CSMD1: variants seen among roughly 807,000 people sequenced by gnomAD.
CSMD1 encodes CUB and Sushi multiple domains 1, also known as CUB and sushi domain-containing protein 1.
CSMD1 carries 213 observed loss-of-function variants against 417.5 expected under a neutral mutation model. The ratio of observed to expected loss-of-function variants is 0.51; its 90% confidence interval spans 0.46 to 0.57. The LOEUF (loss-of-function observed/expected upper bound fraction) is 0.57, where lower values mean the gene tolerates loss of function less well. Ranked by LOEUF, CSMD1 falls within the 20% of genes least tolerant of loss-of-function variation. CSMD1 has a pLI of 0.00. For missense variants in CSMD1, 6,923 were observed against 4,529.7 expected, an observed-to-expected ratio of 1.53 and a Z score of -15.17; for synonymous variants, 2,862 against 1,736.8, an observed-to-expected ratio of 1.65 and a Z score of -16.11.
intron 7 of CSMD1, among the ~76,000 whole-genome samples, chr8:3,641,524 TA>T (rs1290218129): frequency 3.3e-5 from 5 of 152,206 alleles, no homozygotes; most frequent in Admixed American, 6.5e-5. Context: ...CAAACTTCAT[TA>T]TTTCAGCACA....
At chr8:3,432,731 G>C (rs993795728) in intron 12 of CSMD1, among the ~76,000 whole-genome samples, 2 of 152,070 alleles carry the variant, frequency 1.3e-5, no homozygotes, top group African/African-American at 2.4e-5. Context: ...GGCCAGGATG[G>C]TCTTGCTCTC....
chr8:4,201,724 T>C (rs943396707), intron 3 of CSMD1, among the ~76,000 whole-genome samples: 21 of 151,974 alleles, frequency 1.4e-4, no homozygotes, highest in African/African-American at 4.6e-4. Flanking sequence ...GAAAAATAGT[T>C]TGAAAAACAT....
At chr8:4,222,618 C>G (rs932977027) in intron 3 of CSMD1, among the ~76,000 whole-genome samples, 2 of 152,164 alleles carry the variant, frequency 1.3e-5, no homozygotes, top group Non-Finnish European at 2.9e-5. Flanking sequence ...TCCCACAAAT[C>G]AAGAACTGTC....
chr8:3,403,226 G>A (rs558993203), intron 15 of CSMD1, among the ~76,000 whole-genome samples: 1 of 152,318 alleles, frequency 6.6e-6, no homozygotes, highest in East Asian at 1.9e-4. Flanking sequence ...AGAGTATTCT[G>A]TAAGGGATGT....
At chr8:4,064,064 C>G (rs773070569) in intron 3 of CSMD1, among the ~76,000 whole-genome samples, 5 of 152,104 alleles carry the variant, frequency 3.3e-5, no homozygotes, top group African/African-American at 9.7e-5. Flanking sequence ...CTGAGAAGTG[C>G]GCAGTGTGAA....
chr8:3,417,737 G>C (rs1284121899), intron 12 of CSMD1, among the ~76,000 whole-genome samples: 1 of 152,062 alleles, frequency 6.6e-6, no homozygotes, highest in Non-Finnish European at 1.5e-5. Context: ...TTTTCCCTGA[G>C]ACTTTCACTC....
At chr8:3,191,220 A>G (rs867654893) in intron 33 of CSMD1, among the ~76,000 whole-genome samples, 1 of 152,114 alleles carries the variant, frequency 6.6e-6, no homozygotes, top group South Asian at 2.1e-4. Context: ...TTTGGGAGGC[A>G]GAGGAGGGTG....
At chr8:3,181,901 C>G (rs952350418) in intron 36 of CSMD1, among the ~76,000 whole-genome samples, 1 of 152,078 alleles carries the variant, frequency 6.6e-6, no homozygotes, top group South Asian at 2.1e-4. Flanking sequence ...AAAAGAAAAT[C>G]GTTCATCACT....
chr8:3,965,176 C>G (rs58484908), intron 5 of CSMD1, among the ~76,000 whole-genome samples: 1,962 of 152,190 alleles, frequency 0.013, 47 homozygotes, highest in African/African-American at 0.045. Context: ...AGTAAGAGTT[C>G]ATAACAAAAG....
At chr8:3,615,613 G>A (rs1802097885) in intron 8 of CSMD1, among the ~76,000 whole-genome samples, 1 of 152,078 alleles carries the variant, frequency 6.6e-6, no homozygotes, top group African/African-American at 2.4e-5. Context: ...ACACACTACA[G>A]TTTTCTTATT....
intron 1 of CSMD1, among the ~76,000 whole-genome samples, chr8:4,957,662 A>G (rs1268955163): frequency 2.0e-5 from 3 of 152,222 alleles, no homozygotes; most frequent in African/African-American, 7.2e-5. Flanking sequence ...AGTTAAAATT[A>G]ACAAAAGGAT....
intron 25 of CSMD1, among the ~76,000 whole-genome samples, chr8:3,293,389 G>A (rs1194299477): frequency 1.3e-5 from 2 of 152,126 alleles, no homozygotes; most frequent in African/African-American, 2.4e-5. Context: ...CTAGATTGGG[G>A]AATTTCTCCT....
intron 3 of CSMD1, among the ~76,000 whole-genome samples, chr8:4,071,763 T>G (rs569072085): frequency 6.6e-6 from 1 of 152,108 alleles, no homozygotes; most frequent in African/African-American, 2.4e-5. Context: ...GTCTTTGGGG[T>G]TTTATTTTTT....
intron 8 of CSMD1, among the ~76,000 whole-genome samples, chr8:3,587,024 T>A (rs1489285098): frequency 1.3e-5 from 2 of 152,176 alleles, no homozygotes; most frequent in Non-Finnish European, 2.9e-5. Flanking sequence ...GGTCTTCAAC[T>A]CCTGACCTCA....
intron 3 of CSMD1, among the ~76,000 whole-genome samples, chr8:4,038,970 A>G (rs1230356596): frequency 6.6e-6 from 1 of 152,262 alleles, no homozygotes; most frequent in Non-Finnish European, 1.5e-5. Context: ...GGGCTATCAC[A>G]TCAAACCTTT....
At chr8:4,144,489 G>T (rs562111544) in intron 3 of CSMD1, among the ~76,000 whole-genome samples, 1 of 151,042 alleles carries the variant, frequency 6.6e-6, no homozygotes, top group Non-Finnish European at 1.5e-5. Flanking sequence ...ATGGATATCC[G>T]CTTGAGGGCT....
chr8:3,325,890 C>G (rs990099786), intron 23 of CSMD1, among the ~76,000 whole-genome samples: 4 of 152,130 alleles, frequency 2.6e-5, no homozygotes, highest in African/African-American at 9.7e-5. Flanking sequence ...TGTGAATCCA[C>G]TATCAGATCA....
intron 1 of CSMD1, among the ~76,000 whole-genome samples, chr8:4,685,919 A>T (rs1806354644): frequency 6.6e-6 from 1 of 152,194 alleles, no homozygotes; most frequent in Admixed American, 6.5e-5. Context: ...TCTATGAAGA[A>T]ACTTACTGGA....
At chr8:3,383,824 G>C (rs575314314) in intron 18 of CSMD1, among the ~76,000 whole-genome samples, 14 of 152,226 alleles carry the variant, frequency 9.2e-5, no homozygotes, top group African/African-American at 3.4e-4. Context: ...CAGAACAACT[G>C]AAATGTCAGC....
Sources: gnomAD v4.1 joint callset for allele counts (sites outside exome capture counted in the v4.1 genomes callset) on GRCh38, gnomAD v4.1.1 for gene constraint, MANE v1.5 for transcripts, NCBI Gene and HGNC (gene_info 2026-07-23, HGNC 2026-07-21) for gene names.